The following ADAMTSL1 variants were observed in gnomAD, a reference collection of about 807,000 sequenced individuals.
ADAMTSL1 encodes ADAMTS-like protein 1.
ADAMTSL1 carries 126 observed loss-of-function variants against 201.8 expected under a neutral mutation model. That is an observed-to-expected ratio of 0.62 (90% CI 0.54 to 0.72). The LOEUF is 0.72. Among genes scored for constraint, ADAMTSL1 ranks in the 30% least tolerant of loss-of-function variants. ADAMTSL1 has a pLI of 0.00. For missense variants in ADAMTSL1, 2,679 were observed against 2,277.8 expected, an observed-to-expected ratio of 1.18 and a Z score of -3.59; for synonymous variants, 1,121 against 903.4, an observed-to-expected ratio of 1.24 and a Z score of -4.32.
At chr9:18,740,032 A>G (rs1818729182) in intron 15 of ADAMTSL1, among the ~76,000 whole-genome samples, 1 of 151,980 alleles carries the variant, frequency 6.6e-6, no homozygotes, top group Non-Finnish European at 1.5e-5. Context: ...AGACAGGGAG[A>G]TCTCTGCATG....
intron 14 of ADAMTSL1, among the ~76,000 whole-genome samples, chr9:18,711,884 A>G (rs983793694): frequency 1.6e-4 from 24 of 151,764 alleles, no homozygotes; most frequent in African/African-American, 5.6e-4. Flanking sequence ...TTCTCCCAGC[A>G]TGCAGCTGGA....
chr9:18,389,185 CT>C (rs74865114), intron 2 of ADAMTSL1, among the ~76,000 whole-genome samples: 11,241 of 145,122 alleles, frequency 0.077, 593 homozygotes, highest in African/African-American at 0.16. Flanking sequence ...ATTTCTACCT[CT>C]TTTTTTTTTT....
chr9:17,913,065 T>A (rs538840792), intron 1 of ADAMTSL1, among the ~76,000 whole-genome samples: 173 of 152,338 alleles, frequency 1.1e-3, no homozygotes, highest in Non-Finnish European at 2.3e-3. Flanking sequence ...ATCTCTGTTT[T>A]GGTACCAGTA....
At chr9:18,791,034 A>T (rs1822002153) in intron 19 of ADAMTSL1, among the ~76,000 whole-genome samples, 1 of 152,240 alleles carries the variant, frequency 6.6e-6, no homozygotes, top group Non-Finnish European at 1.5e-5. Flanking sequence ...ATTCTAAAGC[A>T]AGCCTATCAA....
intron 4 of ADAMTSL1, among the ~76,000 whole-genome samples, chr9:18,602,706 C>G (rs1236674180): frequency 6.6e-6 from 1 of 152,180 alleles, no homozygotes; most frequent in Non-Finnish European, 1.5e-5. Context: ...ACAAATCTGT[C>G]AGACACAGTC....
At chr9:18,488,904 G>A (rs189316449) in intron 1 of ADAMTSL1, among the ~76,000 whole-genome samples, 279 of 152,292 alleles carry the variant, frequency 1.8e-3, no homozygotes, top group Admixed American at 2.6e-3. Flanking sequence ...GCACATTGAA[G>A]CCAGTAAGTC....
chr9:18,643,532 T>C (rs559231362), intron 7 of ADAMTSL1, among the ~76,000 whole-genome samples: 207 of 152,240 alleles, frequency 1.4e-3, no homozygotes, highest in African/African-American at 4.7e-3. Flanking sequence ...CTAGTAATTT[T>C]ATAGTTTCAG....
At chr9:18,126,781 A>G (rs945010443) in intron 1 of ADAMTSL1, among the ~76,000 whole-genome samples, 1 of 152,212 alleles carries the variant, frequency 6.6e-6, no homozygotes, top group African/African-American at 2.4e-5. Flanking sequence ...GTAGTTTTTA[A>G]TTAGTTATCT....
intron 1 of ADAMTSL1, among the ~76,000 whole-genome samples, chr9:17,992,567 T>C (rs1819203906): frequency 6.6e-6 from 1 of 152,060 alleles, no homozygotes; most frequent in South Asian, 2.1e-4. Flanking sequence ...ACTTGAGTCA[T>C]CTGAGGCTAG....
At chr9:18,560,454 T>C (rs992214052) in intron 3 of ADAMTSL1, among the ~76,000 whole-genome samples, 2 of 152,224 alleles carry the variant, frequency 1.3e-5, no homozygotes, top group African/African-American at 4.8e-5. Flanking sequence ...ATCAGGGATA[T>C]TGGCCTGAAA....
intron 2 of ADAMTSL1, among the ~76,000 whole-genome samples, chr9:18,369,773 AG>A (rs1836959445): frequency 1.3e-5 from 2 of 152,204 alleles, no homozygotes; most frequent in South Asian, 4.1e-4. Flanking sequence ...GATGCCTGGA[AG>A]AAGACAATGC....
intron 2 of ADAMTSL1, among the ~76,000 whole-genome samples, chr9:18,297,699 G>T (rs763232501): frequency 3.9e-5 from 6 of 152,198 alleles, no homozygotes; most frequent in Non-Finnish European, 8.8e-5. Context: ...CCCCCTAGGG[G>T]TGAGTAGTGT....
intron 14 of ADAMTSL1, chr9:18,718,281 G>A (rs1256276555): frequency 1.7e-5 from 13 of 758,266 alleles, no homozygotes; most frequent in Non-Finnish European, 3.2e-5. Context: ...TGCTTTGATG[G>A]AATAAACTAA....
At chr9:18,235,647 G>A (rs2132426715) in intron 2 of ADAMTSL1, among the ~76,000 whole-genome samples, 1 of 152,180 alleles carries the variant, frequency 6.6e-6, no homozygotes, top group South Asian at 2.1e-4. Context: ...TTTTATAGGT[G>A]GGGAAAACCC....
intron 1 of ADAMTSL1, among the ~76,000 whole-genome samples, chr9:17,965,443 G>T (rs1459838904): frequency 6.6e-6 from 1 of 152,078 alleles, no homozygotes; most frequent in Non-Finnish European, 1.5e-5. Flanking sequence ...TTCTGGCATT[G>T]TGGAATAAAA....
chr9:18,403,381 A>G (rs2133276424), intron 2 of ADAMTSL1, among the ~76,000 whole-genome samples: 1 of 151,972 alleles, frequency 6.6e-6, no homozygotes, highest in African/African-American at 2.4e-5. Context: ...AGGGGGCTTC[A>G]CCATATTGGC....
At chr9:18,452,750 G>A (rs1820457818) in intron 2 of ADAMTSL1, among the ~76,000 whole-genome samples, 1 of 152,224 alleles carries the variant, frequency 6.6e-6, no homozygotes, top group African/African-American at 2.4e-5. Context: ...TAAAGCTGGA[G>A]AATAATCTTT....
intron 1 of ADAMTSL1, among the ~76,000 whole-genome samples, chr9:18,063,536 A>G (rs1208332534): frequency 6.6e-6 from 1 of 152,228 alleles, no homozygotes; most frequent in Non-Finnish European, 1.5e-5. Context: ...AGAGACATTC[A>G]TTGTTCAAAA....
chr9:18,538,002 A>AAGG (rs1005052717), intron 3 of ADAMTSL1, among the ~76,000 whole-genome samples: 22 of 151,610 alleles, frequency 1.5e-4, no homozygotes, highest in African/African-American at 3.9e-4. Flanking sequence ...GAAGAAGAAG[A>AAGG]AGGAGGAGGA....
Sources: gnomAD v4.1 joint callset for allele counts (sites outside exome capture counted in the v4.1 genomes callset) on GRCh38, gnomAD v4.1.1 for gene constraint, MANE v1.5 for transcripts, NCBI Gene and HGNC (gene_info 2026-07-23, HGNC 2026-07-21) for gene names.